Variants in PDE4D observed in about 807,000 individuals in gnomAD.
The protein encoded by PDE4D is 3',5'-cyclic-AMP phosphodiesterase 4D.
Under a neutral mutation model 87.4 loss-of-function variants are expected in PDE4D, and 24 were observed. The ratio of observed to expected loss-of-function variants is 0.27; its 90% confidence interval spans 0.20 to 0.39. PDE4D has a LOEUF of 0.39. Among genes scored for constraint, PDE4D ranks in the 10% least tolerant of loss-of-function variants. The probability of loss-of-function intolerance (pLI) is 1.00; values close to 1 mark genes in which losing one functional copy is unlikely to be tolerated. For synonymous variants in PDE4D, 384 were observed against 383.2 expected (o/e 1.00, Z -0.02); for missense variants, 714 against 1,041.0 (o/e 0.69, Z 4.32).
At chr5:59,350,071 A>T (rs1453488301) in intron 1 of PDE4D, among the ~76,000 whole-genome samples, 1 of 152,180 alleles carries the variant, frequency 6.6e-6, no homozygotes, top group Non-Finnish European at 1.5e-5. Flanking sequence ...ACAAAGTGGT[A>T]CTTCCTTACA....
chr5:60,094,588 CTT>C (rs3087200), intron 2 of PDE4D, among the ~76,000 whole-genome samples: 83 of 58,194 alleles, frequency 1.4e-3, no homozygotes, highest in African/African-American at 4.0e-3. Flanking sequence ...GAGTGACATG[CTT>C]TTTTTTTTTT....
intron 2 of PDE4D, among the ~76,000 whole-genome samples, chr5:60,044,974 C>A (rs1018761475): frequency 3.9e-5 from 6 of 152,192 alleles, no homozygotes; most frequent in African/African-American, 1.4e-4. Flanking sequence ...AGTTTACAGT[C>A]CCACCAACAG....
intron 1 of PDE4D, among the ~76,000 whole-genome samples, chr5:59,332,815 G>A (rs371254754): frequency 5.9e-5 from 9 of 152,226 alleles, no homozygotes; most frequent in African/African-American, 2.2e-4. Context: ...ACTTTAGCTG[G>A]CCATCCTCTC....
chr5:60,238,459 A>G (rs1746679274), intron 1 of PDE4D, among the ~76,000 whole-genome samples: 1 of 152,038 alleles, frequency 6.6e-6, no homozygotes, highest in Admixed American at 6.6e-5. Flanking sequence ...AGATATGCAA[A>G]TGTTTAACTT....
chr5:59,255,388 GT>G (rs1554112012), intron 1 of PDE4D, among the ~76,000 whole-genome samples: 1 of 152,042 alleles, frequency 6.6e-6, no homozygotes, highest in Non-Finnish European at 1.5e-5. Context: ...TAGATTAGCC[GT>G]TGCCTAGAGC....
At chr5:59,376,167 T>C (rs886996059) in intron 1 of PDE4D, among the ~76,000 whole-genome samples, 8 of 151,798 alleles carry the variant, frequency 5.3e-5, no homozygotes, top group Non-Finnish European at 1.0e-4. Flanking sequence ...ATTCAACATT[T>C]TGGAAGTCCT....
At chr5:59,444,219 A>G (rs1006634747) in intron 1 of PDE4D, among the ~76,000 whole-genome samples, 4 of 152,200 alleles carry the variant, frequency 2.6e-5, no homozygotes, top group African/African-American at 9.7e-5. Context: ...GGGTTTTTCT[A>G]AAGATATCAC....
chr5:59,216,975 C>G (rs1751400780), intron 1 of PDE4D: 3 of 255,882 alleles, frequency 1.2e-5, no homozygotes, highest in Non-Finnish European at 2.3e-5. Flanking sequence ...CAAATGGAGA[C>G]TCAGCGTATT....
intron 1 of PDE4D, among the ~76,000 whole-genome samples, chr5:60,499,698 C>T (rs1749978575): frequency 6.6e-6 from 1 of 152,066 alleles, no homozygotes; most frequent in Non-Finnish European, 1.5e-5. Flanking sequence ...ATAAACTCTT[C>T]AAGTAAATTT....
At chr5:59,560,055 T>G (rs1056215209) in intron 1 of PDE4D, among the ~76,000 whole-genome samples, 3 of 151,890 alleles carry the variant, frequency 2.0e-5, no homozygotes, top group Admixed American at 6.6e-5. Context: ...AGCCTTGTTT[T>G]GCAATGTTTC....
At chr5:59,927,130 GTGTT>G (rs970477238) in intron 3 of PDE4D, among the ~76,000 whole-genome samples, 4 of 152,294 alleles carry the variant, frequency 2.6e-5, no homozygotes, top group South Asian at 2.1e-4. Context: ...CTGCATTTGA[GTGTT>G]TGAGCTGCAG....
At chr5:59,247,391 G>C (rs1759058423) in intron 1 of PDE4D, among the ~76,000 whole-genome samples, 1 of 152,062 alleles carries the variant, frequency 6.6e-6, no homozygotes, top group African/African-American at 2.4e-5. Flanking sequence ...GTAAAATTTA[G>C]AGAAAAAAAG....
chr5:58,992,011 A>G lies in PDE4D; in HGVS notation c.1016-7T>C. On this transcript the variant is annotated splice_region_variant and splice_polypyrimidine_tract_variant and intron_variant, in intron 7 of 14. Coordinates refer to ENST00000340635, the MANE Select transcript of PDE4D (RefSeq NM_001104631.2). ...TCCACTTCATGTTGCTTATCTTGAG[A>G]AATTTAGAAAATGTTCTATATTTAT... 6.6e-7 allele frequency: 1 copy of G among 1,505,406 alleles called. No homozygotes were observed. The highest frequency in any genetic ancestry group is 8.9e-7 in the Non-Finnish European group (1 of 1,120,970). The allele number at this position is 1,505,406 out of a possible 1,614,324, so 93.3% of individuals were successfully genotyped here.
intron 1 of PDE4D, among the ~76,000 whole-genome samples, chr5:59,632,451 G>T (rs1831695882): frequency 6.6e-6 from 1 of 152,248 alleles, no homozygotes; most frequent in African/African-American, 2.4e-5. Flanking sequence ...CCGATAGGGA[G>T]ATACTCCCAG....
intron 2 of PDE4D, among the ~76,000 whole-genome samples, chr5:60,007,564 C>T (rs1043015341): frequency 3.3e-5 from 5 of 151,980 alleles, no homozygotes; most frequent in Admixed American, 1.3e-4. Context: ...AGTTTTGTTA[C>T]CACACATACC....
At chr5:58,982,906 G>A (rs115809668) in intron 11 of PDE4D, among the ~76,000 whole-genome samples, 105 of 152,304 alleles carry the variant, frequency 6.9e-4, no homozygotes, top group African/African-American at 2.3e-3. Flanking sequence ...ACACTTTGGT[G>A]AGCATTCCTT....
At position 59,931,850 on chromosome 5, in the gene PDE4D, T is replaced by C. The variant is rs1046480422; in HGVS notation, c.272+56638A>G. Among the ~76,000 whole-genome samples, 183 of 152,192 alleles carry C rather than the reference T, an allele frequency of 1.2e-3. 2 individuals carry two copies. The highest frequency in any genetic ancestry group is 6.8e-3 in the Middle Eastern group (2 of 292). Reference sequence around the variant, plus strand: ...CTGAGTAGCTAGGACTACAGGCACCTGCCACCATACCCGGCTAATTTTTTG... The same window carrying C: ...CTGAGTAGCTAGGACTACAGGCACCCGCCACCATACCCGGCTAATTTTTTG... On this transcript the variant is annotated intron_variant, in intron 3 of 16. Transcript: ENST00000502484.
intron 1 of PDE4D, among the ~76,000 whole-genome samples, chr5:59,554,858 A>T (rs897545377): frequency 6.6e-6 from 1 of 152,176 alleles, no homozygotes; most frequent in Non-Finnish European, 1.5e-5. Flanking sequence ...AGAGTTAATA[A>T]TCATCTGAAG....
chr5:59,889,682 A>G (rs1750679985), intron 1 of PDE4D, among the ~76,000 whole-genome samples: 2 of 152,210 alleles, frequency 1.3e-5, no homozygotes, highest in South Asian at 4.1e-4. Flanking sequence ...CAAAGAAACA[A>G]TAAAATTATT....
Sources: allele counts gnomAD v4.1 joint callset (sites outside exome capture counted in the v4.1 genomes callset), GRCh38; gene constraint gnomAD v4.1.1; transcripts MANE v1.5; gene names NCBI Gene and HGNC (gene_info 2026-07-23, HGNC 2026-07-21).